Variants in EVC2 observed in about 807,000 individuals in gnomAD.
The protein encoded by EVC2 is limbin.
Under a neutral mutation model 149.3 loss-of-function variants are expected in EVC2, and 148 were observed. The ratio of observed to expected loss-of-function variants is 0.99; its 90% CI spans 0.87 to 1.14. The LOEUF (loss-of-function observed/expected upper bound fraction) is 1.14, where lower values mean the gene tolerates loss of function less well. Ranked by LOEUF, EVC2 falls within the 50% of genes most tolerant of loss-of-function variation. The pLI is 0.00. For synonymous variants in EVC2, 776 were observed against 649.9 expected, an observed-to-expected ratio of 1.19 and a Z score of -2.95; for missense variants, 1,854 against 1,627.3, an observed-to-expected ratio of 1.14 and a Z score of -2.40.
At chr4:5,532,480 C>G in the EVC2 span, among the ~76,000 whole-genome samples, 1 of 152,210 alleles carries the variant, frequency 6.6e-6, no homozygotes, top group African/African-American at 2.4e-5. Flanking sequence ...CAGTATCACA[C>G]AGATACAACA....
chr4:5,685,535 C>CG, intron 5 of EVC2, 56 bp from the exon 6 acceptor site: 1 of 1,405,032 alleles, frequency 7.1e-7, no homozygotes, highest in Non-Finnish European at 1.0e-6. Context: ...CCCCCGGCTG[C>CG]ACCCCACCAC....
intron 7 of EVC2, among the ~76,000 whole-genome samples, chr4:5,667,510 T>C (rs1414163526): frequency 1.3e-5 from 2 of 152,166 alleles, no homozygotes; most frequent in East Asian, 1.9e-4. Context: ...TTTCCTTTCA[T>C]AGGGGGTCAC....
Position 5,640,857 on chromosome 4 carries a change from A to G in EVC2, c.1146-19T>C. ...CTCCAACCTAGGAAACACAAAAATC[A>G]AAAGAATTCCATTACATGAAATTGC... On this transcript the variant is annotated intron_variant, in intron 9 of 21. Transcript: ENST00000344408. The surrounding 1 kb of genome is among the most constrained non-coding windows in gnomAD (Gnocchi z 4.6). 4.3e-6 allele frequency: 7 copies of G among 1,614,008 alleles called. No homozygotes were observed. The highest frequency in any genetic ancestry group is 5.9e-6 in the Non-Finnish European group (7 of 1,179,920).
chr4:5,658,923 C>A (rs959431133), intron 9 of EVC2, among the ~76,000 whole-genome samples: 3 of 152,210 alleles, frequency 2.0e-5, no homozygotes, highest in Non-Finnish European at 4.4e-5. Flanking sequence ...GCCAGTCCTG[C>A]CCAGTTCCTC....
intron 7 of EVC2, among the ~76,000 whole-genome samples, chr4:5,672,909 T>G (rs560081397): frequency 4.1e-4 from 62 of 152,194 alleles, no homozygotes; most frequent in Non-Finnish European, 4.7e-4. Flanking sequence ...GGACACGTAC[T>G]GTGTGATTCC....
chr4:5,583,559 TC>T (rs1323205348), intron 17 of EVC2, among the ~76,000 whole-genome samples: 3 of 152,192 alleles, frequency 2.0e-5, no homozygotes. Flanking sequence ...ACTTTTTTTT[TC>T]TACTTGAGCC....
At position 5,625,217 on chromosome 4, in the gene EVC2, C is replaced by T. The variant is rs1219166112; in HGVS notation, c.2046+532G>A. 6.6e-6 allele frequency among the ~76,000 whole-genome samples: 1 copy of T among 151,920 alleles called. No individual in the cohort carries two copies. The highest frequency in any genetic ancestry group is 1.5e-5 in the Non-Finnish European group (1 of 67,984). On this transcript the variant is annotated intron_variant, in intron 13 of 21. Coordinates refer to ENST00000344408, the MANE Select transcript of EVC2 (RefSeq NM_147127.5). This position sits in a 1 kb window ranked among gnomAD's most constrained non-coding sequence, Gnocchi z 4.0. Reference sequence around the variant, plus strand: ...TGCATTCCCTTCCAGGCCCTACCCTCGTCCCTCTGCACACTCCAGCCTCAT... The same window carrying T: ...TGCATTCCCTTCCAGGCCCTACCCTTGTCCCTCTGCACACTCCAGCCTCAT...
intron 21 of EVC2, among the ~76,000 whole-genome samples, chr4:5,555,248 C>T (rs1288128720): frequency 6.6e-6 from 1 of 152,086 alleles, no homozygotes; most frequent in East Asian, 1.9e-4. Flanking sequence ...GGGAGGGAAA[C>T]AAGCAATTCA....
chr4:5,550,656 T>G (rs1033280757), intron 21 of EVC2, among the ~76,000 whole-genome samples: 1 of 152,158 alleles, frequency 6.6e-6, no homozygotes, highest in Non-Finnish European at 1.5e-5. Flanking sequence ...CTGCAGAAAT[T>G]TGCATAAGTA....
intron 16 of EVC2, among the ~76,000 whole-genome samples, chr4:5,589,986 G>A (rs1265743930): frequency 6.6e-6 from 1 of 152,168 alleles, no homozygotes; most frequent in Non-Finnish European, 1.5e-5. Context: ...AAAAGAGAAG[G>A]TGGAGGGGTC....
At chr4:5,620,880 A>G (rs1715639331) in intron 14 of EVC2, among the ~76,000 whole-genome samples, 1 of 152,228 alleles carries the variant, frequency 6.6e-6, no homozygotes, top group East Asian at 1.9e-4. Context: ...TGAACATGAG[A>G]AGAGAATTTT....
chr4:5,662,902 A>G (rs1577222914), intron 9 of EVC2, among the ~76,000 whole-genome samples: 2 of 151,896 alleles, frequency 1.3e-5, no homozygotes, highest in East Asian at 3.9e-4. Flanking sequence ...CTACTAGATC[A>G]GACTTCCTTA....
At chr4:5,691,427 G>A (rs1472742292) in intron 3 of EVC2, 94 bp from the exon 4 acceptor site, 1 of 1,015,378 alleles carries the variant, frequency 9.8e-7, no homozygotes, top group Admixed American at 2.1e-5. Flanking sequence ...TTTACAGAGG[G>A]TAGAAAGATT....
chr4:5,699,343 C>A (rs1220913497), intron 1 of EVC2, among the ~76,000 whole-genome samples: 2 of 152,178 alleles, frequency 1.3e-5, no homozygotes, highest in Admixed American at 6.5e-5. Flanking sequence ...GTAAAGAATT[C>A]TATTTAAAAT....
Position 5,569,407 on chromosome 4 carries a change from T to C in EVC2, c.3361-767A>G, listed in dbSNP as rs910622577. Among the ~76,000 whole-genome samples, 1 of 152,238 alleles carries C rather than the reference T, an allele frequency of 6.6e-6. No individual in the cohort carries two copies. Among genetic ancestry groups the C allele is most frequent in the Non-Finnish European group, 1.5e-5 (1 of 68,046 alleles). Reference sequence around the variant, plus strand: ...TGTCAACTTCCTGGTTCTGATGCTGTCTGACAGGAACCATTGGGGAAAATT... The same window carrying C: ...TGTCAACTTCCTGGTTCTGATGCTGCCTGACAGGAACCATTGGGGAAAATT... On this transcript the variant is annotated intron_variant, in intron 19 of 21. Coordinates refer to ENST00000344408, the MANE Select transcript of EVC2 (RefSeq NM_147127.5). This position sits in a 1 kb window ranked among gnomAD's most constrained non-coding sequence, Gnocchi z 4.8.
At position 5,562,641 on chromosome 4, in the gene EVC2, T is replaced by C. The variant is rs73072282; in HGVS notation, c.*207A>G. ...CTGAAAGAAGGAGTGTTTATGTCCT[T>C]GTGATATGGAAGAGAGTGGGCCATC... On this transcript the variant is annotated 3_prime_UTR_variant, in exon 22 of 22. Transcript: ENST00000344408. This position sits in a 1 kb window ranked among gnomAD's most constrained non-coding sequence, Gnocchi z 4.3. The C allele has an allele frequency of 6.2e-4, 892 of 1,435,260 alleles. 3 individuals carry two copies. The African/African-American group carries it at 8.5e-3, about 14-fold the overall frequency. The allele number at this position is 1,435,260 out of a possible 1,614,324, so 88.9% of individuals were successfully genotyped here. A position where few individuals can be genotyped will look rare whatever the true frequency, so the allele number is the denominator to read the frequency against.
chr4:5,659,168 G>A (rs1718721074), intron 9 of EVC2, among the ~76,000 whole-genome samples: 1 of 152,160 alleles, frequency 6.6e-6, no homozygotes, highest in African/African-American at 2.4e-5. Context: ...CTTGAAATGA[G>A]GGGGCAATCA....
chr4:5,596,809 G>T (rs899919812), intron 16 of EVC2, among the ~76,000 whole-genome samples: 1 of 152,152 alleles, frequency 6.6e-6, no homozygotes, highest in South Asian at 2.1e-4. Context: ...AAAACTGATA[G>T]ACCGCTAGCA....
chr4:5,554,301 T>G (rs1248291709), intron 21 of EVC2, among the ~76,000 whole-genome samples: 5 of 152,188 alleles, frequency 3.3e-5, no homozygotes, highest in Non-Finnish European at 7.3e-5. Flanking sequence ...TAGAAGCTGC[T>G]GGAACCATAA....
Sources: gnomAD v4.1 joint callset for allele counts (sites outside exome capture counted in the v4.1 genomes callset) on GRCh38, gnomAD v4.1.1 for gene constraint, Gnocchi (gnomAD v3.1) non-coding constraint, MANE v1.5 for transcripts, NCBI Gene and HGNC (gene_info 2026-07-23, HGNC 2026-07-21) for gene names.